The following KLHL32 variants were observed in gnomAD, a reference collection of about 807,000 sequenced individuals.
The protein encoded by KLHL32 is kelch like family member 32, also known as kelch-like protein 32.
Under a neutral mutation model 64.8 loss-of-function variants are expected in KLHL32, and 35 were observed. The ratio of observed to expected loss-of-function variants is 0.54; its 90% CI spans 0.41 to 0.72. The LOEUF (loss-of-function observed/expected upper bound fraction) is 0.72. KLHL32 is among the 30% of genes least tolerant of loss of function. The pLI, the probability that KLHL32 is intolerant of heterozygous loss-of-function variation, is 0.00. For synonymous variants in KLHL32, 259 were observed against 281.0 expected, an observed-to-expected ratio of 0.92 and a Z score of 0.78; for missense variants, 589 against 768.5, an observed-to-expected ratio of 0.77 and a Z score of 2.76.
At chr6:96,985,820 T>C (rs895679777) in intron 3 of KLHL32, among the ~76,000 whole-genome samples, 1 of 152,176 alleles carries the variant, frequency 6.6e-6, no homozygotes, top group Admixed American at 6.5e-5. Context: ...GGGTACGAAC[T>C]TCCTCCTTTA....
Position 96,980,190 on chromosome 6 carries a change from C to T in KLHL32, c.204+4013C>T, listed in dbSNP as rs192078743. On this transcript the variant is annotated intron_variant, in intron 3 of 10. Coordinates refer to ENST00000369261, the MANE Select transcript of KLHL32 (RefSeq NM_052904.4). ...TCCTGATCACTCTGGCTAGGACTTCCAGTACTATGTTGAATAGGAGTGCTG... is the reference window on the plus strand; with the variant it reads ...TCCTGATCACTCTGGCTAGGACTTCTAGTACTATGTTGAATAGGAGTGCTG... 2.0e-4 allele frequency among the ~76,000 whole-genome samples: 30 copies of T among 152,220 alleles called. 1 individual carries two copies. In the East Asian group the frequency reaches 5.8e-3, roughly 29 times the overall value.
At chr6:96,910,042 C>T in the KLHL32 span, among the ~76,000 whole-genome samples, 1 of 152,294 alleles carries the variant, frequency 6.6e-6, no homozygotes, top group African/African-American at 2.4e-5. Context: ...GGAGGTGAGC[C>T]AGATTACTGG....
the KLHL32 span, among the ~76,000 whole-genome samples, chr6:96,913,824 C>T: frequency 2.0e-5 from 3 of 152,150 alleles, no homozygotes; most frequent in South Asian, 6.2e-4. Context: ...TCCCCTCCGT[C>T]ATGGGGGAAG....
chr6:96,980,561 G>A (rs1012283624), intron 3 of KLHL32, among the ~76,000 whole-genome samples: 1 of 152,066 alleles, frequency 6.6e-6, no homozygotes, highest in Non-Finnish European at 1.5e-5. Flanking sequence ...GATTTGATTT[G>A]CTAGTATTTT....
At chr6:97,097,567 A>C (rs890082040) in intron 6 of KLHL32, among the ~76,000 whole-genome samples, 1 of 151,916 alleles carries the variant, frequency 6.6e-6, no homozygotes, top group East Asian at 1.9e-4. Context: ...TTTCCTTGGG[A>C]TTTAATTTAT....
rs1785287626 is a variant in KLHL32 at position 97,042,587 on chromosome 6, G to T, written c.312+988G>T. Among the ~76,000 whole-genome samples, 2 of 150,318 alleles carry T rather than the reference G, an allele frequency of 1.3e-5. 1 individual carries two copies. Among genetic ancestry groups the T allele is most frequent in the South Asian group, 4.2e-4 (2 of 4,798 alleles). ...TTTACAATGTGGAATGATTAAATCA[G>T]GCTAATTAACAAATTTATCACCTCA... is the stretch of plus-strand genomic sequence containing the variant. On this transcript the variant is annotated intron_variant, in intron 4 of 10. Coordinates refer to ENST00000369261, the MANE Select transcript of KLHL32 (RefSeq NM_052904.4).
chr6:97,120,326 G>A (rs927975421), intron 7 of KLHL32, among the ~76,000 whole-genome samples: 7 of 152,128 alleles, frequency 4.6e-5, no homozygotes, highest in South Asian at 4.2e-4. Context: ...CAGGTCTGTC[G>A]AGATTGTGCC....
At chr6:96,987,150 C>A (rs1429877716) in intron 3 of KLHL32, among the ~76,000 whole-genome samples, 1 of 152,072 alleles carries the variant, frequency 6.6e-6, no homozygotes, top group Non-Finnish European at 1.5e-5. Context: ...TTGATCTTTT[C>A]AAAAAACCAG....
chr6:97,128,565 A>G (rs556045559), intron 8 of KLHL32, among the ~76,000 whole-genome samples: 2 of 152,334 alleles, frequency 1.3e-5, no homozygotes, highest in East Asian at 3.9e-4. Context: ...TCTTGCTCAG[A>G]ATCTCAATAA....
intron 6 of KLHL32, among the ~76,000 whole-genome samples, chr6:97,100,799 C>CTTTTTTTTT (rs763909891): frequency 6.2e-5 from 6 of 96,268 alleles, no homozygotes; most frequent in Non-Finnish European, 8.2e-5. Context: ...GCTCATTATT[C>CTTTTTTTTT]TTTTTTTTTT....
chr6:97,118,619 CAAA>C (rs376156341), intron 7 of KLHL32, among the ~76,000 whole-genome samples: 6 of 101,304 alleles, frequency 5.9e-5, no homozygotes, highest in Non-Finnish European at 7.5e-5. Context: ...AACTGCATCT[CAAA>C]AAAAAAAAAA....
intron 6 of KLHL32, among the ~76,000 whole-genome samples, chr6:97,113,194 C>G (rs760964558): frequency 1.3e-5 from 2 of 151,930 alleles, no homozygotes; most frequent in Non-Finnish European, 2.9e-5. Context: ...TTTTTCTTTT[C>G]TTGCTTCCTG....
At chr6:97,122,348 A>G (rs1798453213) in intron 7 of KLHL32, among the ~76,000 whole-genome samples, 1 of 152,210 alleles carries the variant, frequency 6.6e-6, no homozygotes, top group Non-Finnish European at 1.5e-5. Flanking sequence ...TTTTAATTTA[A>G]TGCATGGATT....
the KLHL32 span, among the ~76,000 whole-genome samples, chr6:96,911,470 T>C: frequency 1.6e-4 from 24 of 152,312 alleles, no homozygotes; most frequent in South Asian, 8.3e-4. Context: ...CTTTGACCTT[T>C]TATTCCACAA....
intron 1 of KLHL32, among the ~76,000 whole-genome samples, chr6:96,959,532 A>G (rs1773659986): frequency 6.6e-6 from 1 of 152,114 alleles, no homozygotes; most frequent in Non-Finnish European, 1.5e-5. Context: ...ATGTGTTTTA[A>G]TCTCTTCTTA....
intron 4 of KLHL32, among the ~76,000 whole-genome samples, chr6:97,064,112 G>A (rs865869995): frequency 3.9e-5 from 6 of 152,128 alleles, no homozygotes; most frequent in South Asian, 2.1e-4. Flanking sequence ...GGAAGTTTGC[G>A]TATGAAGCTT....
intron 3 of KLHL32, among the ~76,000 whole-genome samples, chr6:96,983,365 G>A (rs944520258): frequency 6.6e-6 from 1 of 152,292 alleles, no homozygotes; most frequent in Non-Finnish European, 1.5e-5. Context: ...TCTCTGCCAG[G>A]CTTTGGTATC....
intron 1 of KLHL32, among the ~76,000 whole-genome samples, chr6:96,955,112 C>T (rs890746285): frequency 4.6e-5 from 7 of 152,106 alleles, no homozygotes; most frequent in Non-Finnish European, 7.4e-5. Flanking sequence ...ATCATGAGTG[C>T]GCCACTGTCA....
At position 97,139,875 on chromosome 6, in the gene KLHL32, A is replaced by G. The variant is rs1441123463; in HGVS notation, c.*593A>G. ...CAGATTTTTCACCTTGGTTACTCTG[A>G]CCTTGGGTCAGAACCTAACTTTACA... On this transcript the variant is annotated 3_prime_UTR_variant, in exon 11 of 11. Transcript: ENST00000369261. The G allele has an allele frequency of 6.6e-6, 1 of 152,156 alleles. No individual in the cohort carries two copies. The highest frequency in any genetic ancestry group is 2.1e-4 in the South Asian group (1 of 4,824). The allele number at this position is 152,156 out of a possible 1,614,324, so 9.4% of individuals were successfully genotyped here.
Sources: allele counts gnomAD v4.1 joint callset (sites outside exome capture counted in the v4.1 genomes callset), GRCh38; gene constraint gnomAD v4.1.1; transcripts MANE v1.5; gene names NCBI Gene and HGNC (gene_info 2026-07-23, HGNC 2026-07-21).